The following ARHGEF3 variants were observed in gnomAD, a reference collection of about 807,000 sequenced individuals.
ARHGEF3 encodes 59.8 kDA protein.
A neutral mutation model predicts 63.2 loss-of-function variants in ARHGEF3; 28 were observed. The observed-to-expected ratio is 0.44, with a 90% CI of 0.33 to 0.61. The LOEUF (loss-of-function observed/expected upper bound fraction) is 0.61. ARHGEF3 is among the 20% of genes least tolerant of loss of function. The pLI is 0.03. For synonymous variants in ARHGEF3, 266 were observed against 254.2 expected (o/e 1.05, Z -0.44); for missense variants, 533 against 659.3 (o/e 0.81, Z 2.10).
intron 3 of ARHGEF3, among the ~76,000 whole-genome samples, chr3:56,937,218 T>G (rs1948723): frequency 0.062 from 9,496 of 152,234 alleles, 1,025 homozygotes; most frequent in African/African-American, 0.22. Context: ...AAAAGACAAC[T>G]GAGAAAATAT....
chr3:57,074,342 T>C, intron 1 of ARHGEF3: 1 of 1,324,354 alleles, frequency 7.6e-7, no homozygotes, highest in Non-Finnish European at 1.1e-6. Flanking sequence ...TGCCCTCCCT[T>C]CCATCCCCCA....
intron 3 of ARHGEF3, among the ~76,000 whole-genome samples, chr3:56,943,911 C>T (rs1699318235): frequency 7.4e-6 from 1 of 134,292 alleles, no homozygotes; most frequent in Admixed American, 7.3e-5. Context: ...GAGACTCCGA[C>T]TCAAAAAAAA....
intron 1 of ARHGEF3, among the ~76,000 whole-genome samples, chr3:56,793,422 G>A (rs2037193937): frequency 6.6e-6 from 1 of 152,150 alleles, no homozygotes; most frequent in South Asian, 2.1e-4. Context: ...GCTCGCCTCG[G>A]CTGCCCAAAG....
At chr3:56,835,107 T>C (rs2039064398) in intron 4 of ARHGEF3, among the ~76,000 whole-genome samples, 1 of 152,234 alleles carries the variant, frequency 6.6e-6, no homozygotes, top group Non-Finnish European at 1.5e-5. Context: ...GTATTCTAAA[T>C]ATAAATTCTC....
intron 4 of ARHGEF3, among the ~76,000 whole-genome samples, chr3:56,825,991 T>C (rs187534069): frequency 1.3e-5 from 2 of 152,178 alleles, no homozygotes; most frequent in Admixed American, 6.5e-5. Context: ...TAGTAACTGG[T>C]TCAGGAAGAG....
At chr3:56,969,573 C>T (rs186024056) in intron 2 of ARHGEF3, among the ~76,000 whole-genome samples, 61 of 151,938 alleles carry the variant, frequency 4.0e-4, no homozygotes, top group African/African-American at 1.4e-3. Flanking sequence ...AAGATCAAGA[C>T]CATCCTGGCC....
In ARHGEF3 at chr3:56,898,846, A is replaced by G. The variant is rs191864183; in HGVS notation, c.130-16492T>C. 3.4e-3 allele frequency among the ~76,000 whole-genome samples: 521 copies of G among 152,156 alleles called. 3 individuals carry two copies. Among genetic ancestry groups the G allele is most frequent in the Non-Finnish European group, 5.5e-3 (374 of 67,998 alleles). ...CCAAGGCGGGCAGATCACGAGGTCA[A>G]GAGATCAAGACCATCCTGGCTAACA... On this transcript the variant is annotated intron_variant, in intron 3 of 12. Coordinates refer to the ARHGEF3 transcript ENST00000338458.
intron 3 of ARHGEF3, among the ~76,000 whole-genome samples, chr3:56,912,202 A>G (rs1356337353): frequency 6.6e-6 from 1 of 152,214 alleles, no homozygotes; most frequent in Non-Finnish European, 1.5e-5. Flanking sequence ...TTAGATTCAT[A>G]TCTGAGCTAA....
chr3:56,919,391 T>C (rs2042068604), intron 3 of ARHGEF3, among the ~76,000 whole-genome samples: 1 of 152,194 alleles, frequency 6.6e-6, no homozygotes, highest in African/African-American at 2.4e-5. Flanking sequence ...CATCTTATTT[T>C]TTTCAAAAAT....
intron 1 of ARHGEF3, among the ~76,000 whole-genome samples, chr3:57,054,151 A>G (rs1704799601): frequency 6.6e-6 from 1 of 152,180 alleles, no homozygotes; most frequent in South Asian, 2.1e-4. Context: ...GTTGCACCAT[A>G]TCTTCACCAA....
chr3:56,760,038 G>A (rs191839961), intron 2 of ARHGEF3, among the ~76,000 whole-genome samples: 1 of 152,264 alleles, frequency 6.6e-6, no homozygotes, highest in Admixed American at 6.5e-5. Context: ...CACAACTGAT[G>A]GACATTAAAA....
At chr3:56,965,097 T>G (rs1170530578) in intron 2 of ARHGEF3, among the ~76,000 whole-genome samples, 1 of 151,986 alleles carries the variant, frequency 6.6e-6, no homozygotes, top group East Asian at 1.9e-4. Context: ...CAAAAAAAAT[T>G]TTTTTTAATT....
chr3:56,895,285 A>G (rs927887231), intron 3 of ARHGEF3, among the ~76,000 whole-genome samples: 2 of 152,150 alleles, frequency 1.3e-5, no homozygotes, highest in Non-Finnish European at 2.9e-5. Flanking sequence ...CGAGTTAGTC[A>G]TGACTACTCT....
chr3:56,951,122 C>A (rs1323591662), intron 3 of ARHGEF3, among the ~76,000 whole-genome samples: 3 of 151,612 alleles, frequency 2.0e-5, no homozygotes, highest in Non-Finnish European at 2.9e-5. Flanking sequence ...CACACCGGGG[C>A]CTGTTGTGCG....
chr3:57,050,767 C>G (rs528590604), intron 1 of ARHGEF3, among the ~76,000 whole-genome samples: 1 of 152,206 alleles, frequency 6.6e-6, no homozygotes, highest in African/African-American at 2.4e-5. Context: ...GGGAGTAACA[C>G]GATCAACTTC....
intron 2 of ARHGEF3, among the ~76,000 whole-genome samples, chr3:57,001,904 A>C (rs1324616924): frequency 1.3e-5 from 2 of 150,602 alleles, no homozygotes; most frequent in Middle Eastern, 3.2e-3. Context: ...CCTAAAACCC[A>C]AAGTGAGATA....
chr3:56,834,132 T>C (rs959222345), intron 4 of ARHGEF3, among the ~76,000 whole-genome samples: 6 of 152,170 alleles, frequency 3.9e-5, no homozygotes, highest in Non-Finnish European at 8.8e-5. Context: ...TCCGAACTCC[T>C]GACCTTGTGG....
chr3:56,800,031 CATGTG>C (rs369511233), intron 1 of ARHGEF3, among the ~76,000 whole-genome samples: 3 of 152,206 alleles, frequency 2.0e-5, no homozygotes, highest in African/African-American at 4.8e-5. Context: ...TAATATTTGA[CATGTG>C]ATAAGTTTCA....
intron 3 of ARHGEF3, among the ~76,000 whole-genome samples, chr3:56,944,042 G>A (rs1419535887): frequency 6.6e-6 from 1 of 152,056 alleles, no homozygotes; most frequent in Admixed American, 6.6e-5. Flanking sequence ...CAGGCATGAT[G>A]GCGGGCGCCT....
Sources: allele counts gnomAD v4.1 joint callset (sites outside exome capture counted in the v4.1 genomes callset), GRCh38; gene constraint gnomAD v4.1.1; transcripts MANE v1.5; gene names NCBI Gene and HGNC (gene_info 2026-07-23, HGNC 2026-07-21).